TRAF6: variants seen among roughly 807,000 people sequenced by gnomAD.
TRAF6 encodes the protein TNF receptor associated factor 6.
In TRAF6, 10 loss-of-function variants were observed where a neutral mutation model predicts 48.4. The observed-to-expected ratio is 0.21, with a 90% CI of 0.13 to 0.35. The LOEUF is 0.35. TRAF6 is among the 10% of genes least tolerant of loss of function. TRAF6 has a pLI of 1.00. For missense variants in TRAF6, 397 were observed against 661.0 expected, an observed-to-expected ratio of 0.60 and a Z score of 4.38; for synonymous variants, 186 against 219.6, an observed-to-expected ratio of 0.85 and a Z score of 1.35.
Position 36,490,162 on chromosome 11 carries a change from T to C in TRAF6, c.1245A>G (p.Gln415=). The C allele has an allele frequency of 8.7e-6, 14 of 1,614,158 alleles. No homozygotes were observed. Among genetic ancestry groups the C allele is most frequent in the Middle Eastern group, 1.6e-4 (1 of 6,062 alleles). The change falls in exon 7 of 7, where the codon CAA becomes CAG. Residue 415 remains glutamine (Q), a synonymous_variant. Coordinates refer to ENST00000526995, the MANE Select transcript of TRAF6 (RefSeq NM_004620.4). This position sits in a 1 kb window ranked among gnomAD's most constrained non-coding sequence, Gnocchi z 6.4. ...NYISLFVHTM[Q]GEYDSHLPWP... ...AAGGGAGGTGGCTGTCATATTCTCCTTGCATTGTGTGGACAAAAAGGGATA... is the reference window on the plus strand; with the variant it reads ...AAGGGAGGTGGCTGTCATATTCTCCCTGCATTGTGTGGACAAAAAGGGATA...
At chr11:36,492,290 T>C (rs1859574363) in intron 6 of TRAF6, among the ~76,000 whole-genome samples, 1 of 152,228 alleles carries the variant, frequency 6.6e-6, no homozygotes, top group Admixed American at 6.5e-5. Flanking sequence ...TCACTGGTCT[T>C]CTCTCCTTTG....
chr11:36,484,699 G>A lies in TRAF6; in HGVS notation c.*5139C>T, dbSNP rs970789358. Among the ~76,000 whole-genome samples the A allele has an allele frequency of 3.9e-5, 6 of 152,176 alleles. No individual in the cohort carries two copies. Among genetic ancestry groups the A allele is most frequent in the African/African-American group, 1.4e-4 (6 of 41,414 alleles). On this transcript the variant is annotated 3_prime_UTR_variant, in exon 7 of 7. Coordinates refer to ENST00000526995, the MANE Select transcript of TRAF6 (RefSeq NM_004620.4). ...TAGCTCCTAATTTAGTGACCTATAT[G>A]CTAAATTACACCTTTTCATCCCTCT...
At chr11:36,500,206 T>C (rs1407935541) in intron 2 of TRAF6, among the ~76,000 whole-genome samples, 2 of 152,038 alleles carry the variant, frequency 1.3e-5, no homozygotes, top group Non-Finnish European at 2.9e-5. Flanking sequence ...AAAAGAAAAT[T>C]AGGGCCAGGT....
chr11:36,499,090 C>G (rs548812125), intron 2 of TRAF6, among the ~76,000 whole-genome samples: 1 of 152,254 alleles, frequency 6.6e-6, no homozygotes, highest in South Asian at 2.1e-4. Context: ...AATTTAAGCA[C>G]TTAGCAGTAC....
At chr11:36,497,062 A>T (rs139010336) in intron 4 of TRAF6, 46 bp downstream of exon 4, 1 of 1,597,944 alleles carries the variant, frequency 6.3e-7, no homozygotes, top group South Asian at 1.1e-5. Flanking sequence ...TTTAAGAACA[A>T]TATTTTAAGA....
intron 1 of TRAF6, among the ~76,000 whole-genome samples, chr11:36,506,824 T>G (rs918173086): frequency 6.6e-6 from 1 of 152,150 alleles, no homozygotes. Flanking sequence ...CTTTCTATTT[T>G]CCAAATAAAC....
At chr11:36,498,733 C>A (rs906628980) in intron 2 of TRAF6, 93 bp from the exon 3 acceptor site, 5 of 1,324,114 alleles carry the variant, frequency 3.8e-6, no homozygotes, top group Middle Eastern at 1.9e-4. Flanking sequence ...TCTCCATTTA[C>A]TGTTTCATAA....
chr11:36,501,096 G>A, intron 2 of TRAF6, 124 bp downstream of exon 2: 1 of 974,790 alleles, frequency 1.0e-6, no homozygotes, highest in Non-Finnish European at 1.4e-6. Flanking sequence ...TCTGTCCATT[G>A]TTCTTTTTTC....
intron 6 of TRAF6, among the ~76,000 whole-genome samples, chr11:36,491,243 A>G (rs1259697483): frequency 6.6e-6 from 1 of 152,204 alleles, no homozygotes; most frequent in Non-Finnish European, 1.5e-5. Flanking sequence ...TCCTGGCACC[A>G]TGCCATTCTA....
chr11:36,501,809 G>T, intron 1 of TRAF6: 1 of 225,704 alleles, frequency 4.4e-6, no homozygotes, highest in South Asian at 1.6e-4. Flanking sequence ...AGAAGTTCAT[G>T]ATCTAGTAGA....
chr11:36,491,152 A>AT (rs5030474), intron 6 of TRAF6, among the ~76,000 whole-genome samples: 87,039 of 151,724 alleles, frequency 0.57, 26,721 homozygotes, highest in African/African-American at 0.8. Flanking sequence ...TATTAATACC[A>AT]TTTTTTTTAA....
At chr11:36,509,261 T>C (rs943163259) in intron 1 of TRAF6, among the ~76,000 whole-genome samples, 1 of 152,240 alleles carries the variant, frequency 6.6e-6, no homozygotes, top group African/African-American at 2.4e-5. Flanking sequence ...AAGCTGCTAA[T>C]ACTTTATTTA....
intron 5 of TRAF6, among the ~76,000 whole-genome samples, chr11:36,493,046 T>A (rs979390371): frequency 7.9e-5 from 12 of 152,184 alleles, no homozygotes; most frequent in African/African-American, 2.9e-4. Context: ...ACTTGCCTCA[T>A]GACCACCTCT....
At chr11:36,509,412 G>C (rs936189886) in intron 1 of TRAF6, among the ~76,000 whole-genome samples, 140 of 151,544 alleles carry the variant, frequency 9.2e-4, no homozygotes, top group African/African-American at 3.0e-3. Flanking sequence ...GAAAACATTC[G>C]TGTCATCTGA....
intron 1 of TRAF6, 152 bp from the exon 2 acceptor site, chr11:36,501,689 T>C: frequency 1.9e-6 from 1 of 516,738 alleles, no homozygotes; most frequent in Non-Finnish European, 3.2e-6. Context: ...TAAAAGTGTT[T>C]TGAGCTTTTT....
rs1357779182 is a variant in TRAF6 at position 36,487,440 on chromosome 11, C to A, written c.*2398G>T. ...CATAAAATAACTGGCTGGTTTATGA[C>A]AAAATGCCAAATGTTGGGGGTTAAA... On this transcript the variant is annotated 3_prime_UTR_variant, in exon 7 of 7. Transcript: ENST00000526995. 6.6e-6 allele frequency: 1 copy of A among 152,172 alleles called. No homozygotes were observed. Among genetic ancestry groups the A allele is most frequent in the East Asian group, 1.9e-4 (1 of 5,188 alleles). The allele number at this position is 152,172 out of a possible 1,614,324, so 9.4% of individuals were successfully genotyped here. A position where few individuals can be genotyped will look rare whatever the true frequency, so the allele number is the denominator to read the frequency against.
chr11:36,488,303 G>A lies in TRAF6; in HGVS notation c.*1535C>T, dbSNP rs1859515750. On this transcript the variant is annotated 3_prime_UTR_variant, in exon 7 of 7. Transcript: ENST00000526995. Reference sequence around the variant, plus strand: ...CAAACTCACCAGATCAGGAGCCTAAGGGTGGGTGGGGAGGGAGAAGAGAGA... The same window carrying A: ...CAAACTCACCAGATCAGGAGCCTAAAGGTGGGTGGGGAGGGAGAAGAGAGA... The A allele has an allele frequency of 6.6e-6, 1 of 151,962 alleles. No individual in the cohort carries two copies. The highest frequency in any genetic ancestry group is 1.5e-5 in the Non-Finnish European group (1 of 68,070). The allele number at this position is 151,962 out of a possible 1,614,324, so 9.4% of individuals were successfully genotyped here.
rs1157696222 is a variant in TRAF6 at position 36,490,436 on chromosome 11, C to G, written c.971G>C (p.Ser324Thr). The G allele has an allele frequency of 2.5e-5, 40 of 1,613,708 alleles. No homozygotes were observed. Among genetic ancestry groups the G allele is most frequent in the Non-Finnish European group, 3.0e-5 (35 of 1,180,044 alleles). The change falls in exon 7 of 7, where the codon AGT becomes ACT. Residue 324 changes from serine (S) to threonine (T), a missense_variant. Ser to Thr is a moderately conservative substitution (Grantham distance 58). This residue lies in a region of TRAF6 where 245 missense variants were observed against 349.1 expected (regional missense o/e 0.70). Transcript: ENST00000526995. This position sits in a 1 kb window ranked among gnomAD's most constrained non-coding sequence, Gnocchi z 6.4. ...TCGTTTGAGCTCACTTACATACATA[C>G]TCTGAGTTTCCATTTTAGCAGTCAG... ...RELTAKMETQSMYVSELKRTI... is the reference protein window; with the variant it reads ...RELTAKMETQTMYVSELKRTI...
chr11:36,487,078 G>A lies in TRAF6; in HGVS notation c.*2760C>T, dbSNP rs968840148. On this transcript the variant is annotated 3_prime_UTR_variant, in exon 7 of 7. Coordinates refer to ENST00000526995, the MANE Select transcript of TRAF6 (RefSeq NM_004620.4). Reference sequence around the variant, plus strand: ...TGCACTCCAGCCTGAGCGTCAGGGTGAGACTGTCTCAAAACAAAAAACAAA... The same window carrying A: ...TGCACTCCAGCCTGAGCGTCAGGGTAAGACTGTCTCAAAACAAAAAACAAA... The A allele has an allele frequency of 1.3e-5, 2 of 151,458 alleles. No homozygotes were observed. Among genetic ancestry groups the A allele is most frequent in the Non-Finnish European group, 2.9e-5 (2 of 68,032 alleles). The allele number at this position is 151,458 out of a possible 1,614,324, so 9.4% of individuals were successfully genotyped here.
Sources: allele counts gnomAD v4.1 joint callset (sites outside exome capture counted in the v4.1 genomes callset), GRCh38; gene constraint gnomAD v4.1.1; regional missense constraint gnomAD v4.1.1; non-coding constraint Gnocchi (gnomAD v3.1); transcripts MANE v1.5; gene names NCBI Gene and HGNC (gene_info 2026-07-23, HGNC 2026-07-21).